Variants in ACAP2 observed in about 807,000 individuals in gnomAD.
The protein encoded by ACAP2 is ArfGAP with coiled-coil, ankyrin repeat and PH domains 2, also known as arf-GAP with coiled-coil, ANK repeat and PH domain-containing protein 2.
In ACAP2, 39 loss-of-function variants were observed where a neutral mutation model predicts 115.8. That is an observed-to-expected ratio of 0.34 (90% CI 0.26 to 0.44). ACAP2 has a LOEUF of 0.44. Among genes scored for constraint, ACAP2 ranks in the 20% least tolerant of loss-of-function variants. The pLI, the probability that ACAP2 is intolerant of heterozygous loss-of-function variation, is 1.00. For synonymous variants in ACAP2, 289 were observed against 315.8 expected, an observed-to-expected ratio of 0.92 and a Z score of 0.90; for missense variants, 662 against 927.6, an observed-to-expected ratio of 0.71 and a Z score of 3.72.
Position 195,342,673 on chromosome 3 carries a change from A to G in ACAP2, c.345-19T>C. On this transcript the variant is annotated intron_variant, in intron 5 of 22. Coordinates refer to ENST00000326793, the MANE Select transcript of ACAP2 (RefSeq NM_012287.6). ...AAGATCTCTAAGAAAAGAAAAACTT[A>G]GTGAAACTTTTATAACTTGCTTCAT... 6.4e-7 allele frequency: 1 copy of G among 1,572,650 alleles called. No individual in the cohort carries two copies. The highest frequency in any genetic ancestry group is 8.6e-7 in the Non-Finnish European group (1 of 1,165,616).
chr3:195,404,959 G>A (rs143175521), intron 1 of ACAP2, among the ~76,000 whole-genome samples: 17 of 151,636 alleles, frequency 1.1e-4, no homozygotes, highest in Non-Finnish European at 1.6e-4. Context: ...CACAACACCC[G>A]GCTACTTTTT....
chr3:195,354,194 A>C (rs1731798148), intron 4 of ACAP2, among the ~76,000 whole-genome samples: 1 of 152,224 alleles, frequency 6.6e-6, no homozygotes, highest in African/African-American at 2.4e-5. Context: ...ATGGCTGCAT[A>C]GTATTCCATA....
At chr3:195,342,230 A>T (rs73206693) in intron 6 of ACAP2, among the ~76,000 whole-genome samples, 4,137 of 152,300 alleles carry the variant, frequency 0.027, 61 homozygotes, top group African/African-American at 0.04. Flanking sequence ...GCTTTTTAAC[A>T]TTTTAAAATG....
At chr3:195,294,342 G>A (rs1011425193) in intron 18 of ACAP2, among the ~76,000 whole-genome samples, 8 of 151,564 alleles carry the variant, frequency 5.3e-5, no homozygotes, top group Non-Finnish European at 8.8e-5. Context: ...CACTTTGGGA[G>A]GCCGAGGTTG....
At position 195,284,198 on chromosome 3, in the gene ACAP2, A is replaced by G. The variant is rs533665724; in HGVS notation, c.2236+1598T>C. On this transcript the variant is annotated intron_variant, in intron 22 of 22. Transcript: ENST00000326793. ...CACTGAAGTTAAAAATGTCAGGGGG[A>G]AAATAATTGTTTAACTTAAAATCGT... Among the ~76,000 whole-genome samples, 3 of 152,336 alleles carry G rather than the reference A, an allele frequency of 2.0e-5. No individual in the cohort carries two copies. The South Asian group carries it at 6.2e-4, about 32-fold the overall frequency.
chr3:195,433,282 TTTG>T (rs773874324), intron 1 of ACAP2, among the ~76,000 whole-genome samples: 5 of 152,230 alleles, frequency 3.3e-5, no homozygotes, highest in Non-Finnish European at 5.9e-5. Flanking sequence ...TTATTTGTAC[TTTG>T]TTATCGTTAT....
At chr3:195,287,232 A>T (rs1323813648) in intron 21 of ACAP2, among the ~76,000 whole-genome samples, 1 of 152,206 alleles carries the variant, frequency 6.6e-6, no homozygotes, top group African/African-American at 2.4e-5. Flanking sequence ...CCTACATAAT[A>T]AGGTATCGGT....
intron 4 of ACAP2, among the ~76,000 whole-genome samples, chr3:195,350,657 A>AG (rs929977783): frequency 6.6e-6 from 1 of 151,712 alleles, no homozygotes; most frequent in African/African-American, 2.4e-5. Flanking sequence ...AGGAAAAAAA[A>AG]AAAAAGAAAA....
chr3:195,338,107 G>A (rs952569577), intron 6 of ACAP2, among the ~76,000 whole-genome samples: 12 of 152,122 alleles, frequency 7.9e-5, no homozygotes, highest in Admixed American at 3.9e-4. Context: ...AGCTTCTTAC[G>A]TACTGTCTAG....
intron 18 of ACAP2, among the ~76,000 whole-genome samples, chr3:195,293,881 C>G (rs1185950930): frequency 6.6e-6 from 1 of 151,600 alleles, no homozygotes; most frequent in Non-Finnish European, 1.5e-5. Flanking sequence ...CGCCTGCAAT[C>G]CCAGCACTTT....
intron 10 of ACAP2, among the ~76,000 whole-genome samples, chr3:195,310,212 A>T (rs1368922975): frequency 6.6e-6 from 1 of 152,324 alleles, no homozygotes; most frequent in Admixed American, 6.5e-5. Flanking sequence ...TAAGCCATTT[A>T]CTAGACAGAC....
At chr3:195,309,570 T>C (rs1728630410) in intron 10 of ACAP2, among the ~76,000 whole-genome samples, 1 of 151,830 alleles carries the variant, frequency 6.6e-6, no homozygotes, top group South Asian at 2.1e-4. Flanking sequence ...AGTATCCACT[T>C]GTATACAGAA....
intron 1 of ACAP2, among the ~76,000 whole-genome samples, chr3:195,417,449 A>C (rs1303264742): frequency 6.6e-6 from 1 of 152,104 alleles, no homozygotes; most frequent in African/African-American, 2.4e-5. Context: ...TATCCAAGCA[A>C]TCACAATGTC....
chr3:195,416,768 T>C (rs998004823), intron 1 of ACAP2, among the ~76,000 whole-genome samples: 1 of 152,214 alleles, frequency 6.6e-6, no homozygotes, highest in African/African-American at 2.4e-5. Context: ...AATGTGTCAA[T>C]TTGGTTGAAT....
At position 195,304,020 on chromosome 3, in the gene ACAP2, C is replaced by T. The variant is rs541241429; in HGVS notation, c.1117-1846G>A. ...ACTAAAAATACAAAAAAAAATTAGC[C>T]GGGCATGGTGGTACATGCCTGTAAT... On this transcript the variant is annotated intron_variant, in intron 13 of 22. Coordinates refer to ENST00000326793, the MANE Select transcript of ACAP2 (RefSeq NM_012287.6). 3.8e-4 allele frequency among the ~76,000 whole-genome samples: 58 copies of T among 151,530 alleles called. 1 individual carries two copies. Among genetic ancestry groups the T allele is most frequent in the African/African-American group, 1.1e-3 (45 of 41,316 alleles).
chr3:195,319,976 G>A (rs1194780514), intron 10 of ACAP2, among the ~76,000 whole-genome samples: 1 of 152,166 alleles, frequency 6.6e-6, no homozygotes, highest in East Asian at 1.9e-4. Context: ...GGAGGTGACT[G>A]GGTCATGGGA....
intron 4 of ACAP2, among the ~76,000 whole-genome samples, chr3:195,377,447 C>T (rs1733630189): frequency 6.6e-6 from 1 of 151,912 alleles, no homozygotes; most frequent in Admixed American, 6.6e-5. Context: ...GCCCAGCCTA[C>T]AGAGGAGGAA....
At chr3:195,415,038 T>C (rs750576853) in intron 1 of ACAP2, among the ~76,000 whole-genome samples, 12 of 152,148 alleles carry the variant, frequency 7.9e-5, no homozygotes, top group Non-Finnish European at 1.6e-4. Flanking sequence ...AACTGCATGA[T>C]CCTATAATGG....
At chr3:195,374,183 C>A (rs563131142) in intron 4 of ACAP2, among the ~76,000 whole-genome samples, 41 of 152,046 alleles carry the variant, frequency 2.7e-4, no homozygotes, top group African/African-American at 9.9e-4. Flanking sequence ...GTCCGGAGTT[C>A]GAGACCAGCC....
Sources: allele counts gnomAD v4.1 joint callset (sites outside exome capture counted in the v4.1 genomes callset), GRCh38; gene constraint gnomAD v4.1.1; transcripts MANE v1.5; gene names NCBI Gene and HGNC (gene_info 2026-07-23, HGNC 2026-07-21).